TRAPPC9: variants seen among roughly 807,000 people sequenced by gnomAD.
TRAPPC9 encodes trafficking protein particle complex subunit 9.
TRAPPC9 carries 83 observed loss-of-function variants against 124.0 expected under a neutral mutation model. The ratio of observed to expected loss-of-function variants is 0.67; its 90% CI spans 0.56 to 0.80. The LOEUF is 0.80. Among genes scored for constraint, TRAPPC9 ranks in the 30% least tolerant of loss-of-function variants. The probability of loss-of-function intolerance (pLI) is 0.00; values close to 1 mark genes in which losing one functional copy is unlikely to be tolerated. For synonymous variants in TRAPPC9, 638 were observed against 617.5 expected, an observed-to-expected ratio of 1.03 and a Z score of -0.49; for missense variants, 1,302 against 1,508.3, an observed-to-expected ratio of 0.86 and a Z score of 2.27.
intron 1 of TRAPPC9, chr8:140,456,940 G>A: frequency 1.9e-6 from 1 of 519,746 alleles, no homozygotes. Context: ...GAGGGGATTG[G>A]GGTGGGCTGA....
intron 7 of TRAPPC9, among the ~76,000 whole-genome samples, chr8:140,388,841 C>T (rs1240838395): frequency 1.5e-5 from 2 of 135,874 alleles, no homozygotes; most frequent in African/African-American, 5.6e-5. Flanking sequence ...CAGAGTGAGA[C>T]TCCATCAAAA....
intron 9 of TRAPPC9, among the ~76,000 whole-genome samples, chr8:140,344,759 G>A (rs1188363347): frequency 2.6e-5 from 4 of 152,258 alleles, no homozygotes; most frequent in African/African-American, 9.6e-5. Flanking sequence ...GGAGAGAGGT[G>A]AGCAAGGAGA....
At chr8:140,398,249 C>T (rs1310590390) in intron 6 of TRAPPC9, among the ~76,000 whole-genome samples, 2 of 152,090 alleles carry the variant, frequency 1.3e-5, no homozygotes, top group African/African-American at 2.4e-5. Context: ...CAGACTAATA[C>T]AGTAAATTGG....
chr8:139,810,514 A>C (rs1824367287), intron 21 of TRAPPC9, among the ~76,000 whole-genome samples: 1 of 152,176 alleles, frequency 6.6e-6, no homozygotes, highest in Non-Finnish European at 1.5e-5. Flanking sequence ...GCTACAGACC[A>C]GGGCTCCCCC....
chr8:140,283,544 G>A (rs143637112), intron 14 of TRAPPC9, among the ~76,000 whole-genome samples: 53 of 151,228 alleles, frequency 3.5e-4, no homozygotes, highest in Middle Eastern at 3.4e-3. Context: ...TGATCCACCC[G>A]CCTCGGTCTT....
intron 9 of TRAPPC9, among the ~76,000 whole-genome samples, chr8:140,336,180 T>G (rs2067034767): frequency 6.6e-6 from 1 of 152,202 alleles, no homozygotes; most frequent in Non-Finnish European, 1.5e-5. Flanking sequence ...TGATGAAGCA[T>G]ACTTGTGTGT....
chr8:140,091,181 C>T (rs1272175224), intron 17 of TRAPPC9, among the ~76,000 whole-genome samples: 4 of 152,184 alleles, frequency 2.6e-5, no homozygotes, highest in African/African-American at 9.7e-5. Flanking sequence ...GAGGTGGCAG[C>T]CTGGCCCCAT....
chr8:139,845,177 T>G (rs1826994722), intron 21 of TRAPPC9, among the ~76,000 whole-genome samples: 1 of 152,192 alleles, frequency 6.6e-6, no homozygotes. Context: ...GGTTATATGG[T>G]TGTATGACTT....
chr8:140,228,561 G>A (rs747307226), intron 16 of TRAPPC9, among the ~76,000 whole-genome samples: 6 of 152,252 alleles, frequency 3.9e-5, no homozygotes, highest in East Asian at 1.9e-4. Context: ...CCCATGGGCA[G>A]CCTCACTTTG....
At chr8:140,319,367 C>T (rs988014360) in intron 9 of TRAPPC9, among the ~76,000 whole-genome samples, 71 of 151,742 alleles carry the variant, frequency 4.7e-4, no homozygotes, top group Non-Finnish European at 6.8e-4. Flanking sequence ...TTAGTAGAGA[C>T]GGGGTTTCAC....
At chr8:140,415,979 C>T (rs753306504) in intron 5 of TRAPPC9, among the ~76,000 whole-genome samples, 2 of 151,918 alleles carry the variant, frequency 1.3e-5, no homozygotes, top group African/African-American at 4.8e-5. Context: ...GAAGAAAGAG[C>T]TCATGTCAAC....
intron 17 of TRAPPC9, among the ~76,000 whole-genome samples, chr8:140,202,076 C>T (rs1563841684): frequency 6.6e-6 from 1 of 151,644 alleles, no homozygotes; most frequent in Admixed American, 6.6e-5. Flanking sequence ...TACAAAGTAT[C>T]TGCTCTAAGC....
At chr8:139,750,338 G>T (rs1419992267) in intron 21 of TRAPPC9, among the ~76,000 whole-genome samples, 1 of 152,110 alleles carries the variant, frequency 6.6e-6, no homozygotes, top group Non-Finnish European at 1.5e-5. Flanking sequence ...GGCAAACCAC[G>T]CCTCCCCAGG....
intron 3 of TRAPPC9, among the ~76,000 whole-genome samples, chr8:140,436,437 G>A (rs2070817098): frequency 6.6e-6 from 1 of 152,194 alleles, no homozygotes; most frequent in African/African-American, 2.4e-5. Context: ...ATAAAGTACT[G>A]GAGGAATGGC....
At chr8:140,109,438 T>C (rs1186101941) in intron 17 of TRAPPC9, among the ~76,000 whole-genome samples, 3 of 152,080 alleles carry the variant, frequency 2.0e-5, no homozygotes, top group African/African-American at 7.3e-5. Context: ...CAAAATATGA[T>C]TGCCACTCAA....
At chr8:140,111,453 G>A (rs1051443317) in intron 17 of TRAPPC9, among the ~76,000 whole-genome samples, 2 of 152,162 alleles carry the variant, frequency 1.3e-5, no homozygotes, top group African/African-American at 4.8e-5. Flanking sequence ...GGAACATGGT[G>A]GGGGGAAGCA....
At chr8:140,024,371 C>T (rs916619508) in intron 17 of TRAPPC9, among the ~76,000 whole-genome samples, 19 of 151,664 alleles carry the variant, frequency 1.3e-4, no homozygotes, top group African/African-American at 4.6e-4. Flanking sequence ...AAAGGGCTTC[C>T]AAAACTTACT....
At chr8:139,770,009 A>T (rs1038807076) in intron 21 of TRAPPC9, among the ~76,000 whole-genome samples, 3 of 152,176 alleles carry the variant, frequency 2.0e-5, no homozygotes, top group Non-Finnish European at 4.4e-5. Context: ...AGGTTTTGCC[A>T]CCCGCCAGTG....
rs896863517 is a variant in TRAPPC9 at position 140,353,170 on chromosome 8, C to A, written c.1495+6880G>T. 1.1e-4 allele frequency among the ~76,000 whole-genome samples: 17 copies of A among 152,156 alleles called. No homozygotes were observed. The highest frequency in any genetic ancestry group is 3.9e-4 in the African/African-American group (16 of 41,418). ...AAGACCAAGCCCAGGAAATCATGTG[C>A]AACGCAAACCATCTATACTCTAGCG... On this transcript the variant is annotated intron_variant, in intron 9 of 22. Transcript: ENST00000438773. This position sits in a 1 kb window ranked among gnomAD's most constrained non-coding sequence, Gnocchi z 4.2.
Sources: allele counts gnomAD v4.1 joint callset (sites outside exome capture counted in the v4.1 genomes callset), GRCh38; gene constraint gnomAD v4.1.1; non-coding constraint Gnocchi (gnomAD v3.1); transcripts MANE v1.5; gene names NCBI Gene and HGNC (gene_info 2026-07-23, HGNC 2026-07-21).